FBXO10: variants seen among roughly 807,000 people sequenced by gnomAD.
FBXO10 encodes the protein F-box only protein 10.
Under a neutral mutation model 80.7 loss-of-function variants are expected in FBXO10, and 39 were observed. The observed-to-expected ratio is 0.48, with a 90% CI of 0.37 to 0.63. The LOEUF (loss-of-function observed/expected upper bound fraction) is 0.63, where lower values mean the gene tolerates loss of function less well. Ranked by LOEUF, FBXO10 falls within the 30% of genes least tolerant of loss-of-function variation. The pLI, the probability that FBXO10 is intolerant of heterozygous loss-of-function variation, is 0.00. For missense variants in FBXO10, 1,025 were observed against 1,269.0 expected (o/e 0.81, Z 2.92); for synonymous variants, 449 against 489.6 (o/e 0.92, Z 1.09).
chr9:37,532,387 G>A (rs1442874512), intron 3 of FBXO10, among the ~76,000 whole-genome samples: 1 of 147,644 alleles, frequency 6.8e-6, no homozygotes. Flanking sequence ...TGCAAGCTCC[G>A]CCTCCCAGGC....
intron 1 of FBXO10, among the ~76,000 whole-genome samples, chr9:37,548,677 C>G (rs561521363): frequency 1.3e-5 from 2 of 152,254 alleles, no homozygotes; most frequent in South Asian, 2.1e-4. Flanking sequence ...TAAGCAATCT[C>G]TCCTATGATT....
chr9:37,518,317 G>A lies in FBXO10; in HGVS notation c.2322C>T (p.Asn774=). 2 of 1,614,088 alleles carry A rather than the reference G, an allele frequency of 1.2e-6. No individual in the cohort carries two copies. Among genetic ancestry groups the A allele is most frequent in the Admixed American group, 3.3e-5 (2 of 60,030 alleles). ...CACTTTGCCGGTTGCAGGAGATGCTGTTGTTGGCCACTCGGGTGGGTTGGC... is the reference window on the plus strand; with the variant it reads ...CACTTTGCCGGTTGCAGGAGATGCTATTGTTGGCCACTCGGGTGGGTTGGC... ...QSSQPTRVAN[N]SISCNRQSGV... The change falls in exon 9 of 11, where the codon AAC becomes AAT. Residue 774 remains asparagine (N), a synonymous_variant. Transcript: ENST00000432825.
At chr9:37,557,287 T>A (rs1165157768) in intron 1 of FBXO10, among the ~76,000 whole-genome samples, 1 of 152,240 alleles carries the variant, frequency 6.6e-6, no homozygotes, top group Non-Finnish European at 1.5e-5. Context: ...TAACTCACTC[T>A]TTCCCTCACA....
At chr9:37,547,213 G>C (rs962086563) in intron 1 of FBXO10, among the ~76,000 whole-genome samples, 1 of 152,158 alleles carries the variant, frequency 6.6e-6, no homozygotes, top group Non-Finnish European at 1.5e-5. Context: ...ACAAGTTCTG[G>C]TGTATTTGTA....
intron 7 of FBXO10, 122 bp downstream of exon 7, chr9:37,522,703 G>A (rs1588827006): frequency 8.1e-7 from 1 of 1,236,758 alleles, no homozygotes; most frequent in Non-Finnish European, 1.1e-6. Flanking sequence ...TGGCCTGAGA[G>A]TGCCTGTTCA....
At chr9:37,521,380 G>GTCTGGGAAGTGAGGAGCGCCT (rs1452046950) in intron 8 of FBXO10, among the ~76,000 whole-genome samples, 189 bp downstream of exon 8, 1 of 150,804 alleles carries the variant, frequency 6.6e-6, no homozygotes, top group Non-Finnish European at 1.5e-5. Flanking sequence ...CTGCCTGGCC[G>GTCTGGGAAGTGAGGAGCGCCT]CTGTGCAACC....
chr9:37,568,327 A>G (rs1291435055), intron 1 of FBXO10, among the ~76,000 whole-genome samples: 1 of 152,018 alleles, frequency 6.6e-6, no homozygotes, highest in African/African-American at 2.4e-5. Context: ...CTTCTCGGGT[A>G]GCTGGGATTA....
intron 5 of FBXO10, among the ~76,000 whole-genome samples, chr9:37,527,257 C>T (rs1821500754): frequency 6.6e-6 from 1 of 152,192 alleles, no homozygotes; most frequent in Non-Finnish European, 1.5e-5. Context: ...TCTCCAAAGT[C>T]CTTCACTCAA....
rs1041892835 is a variant in FBXO10, at chr9:37,512,433, C to T, written c.*114G>A. ...CTGGAGGTACCGTGTTTTGGAGGCC[C>T]GGGACCCATTTGTTCGAGGGGGAGG... On this transcript the variant is annotated 3_prime_UTR_variant, in exon 11 of 11. Coordinates refer to ENST00000432825, the MANE Select transcript of FBXO10 (RefSeq NM_012166.3). The T allele has an allele frequency of 2.1e-5, 25 of 1,206,530 alleles. No individual in the cohort carries two copies. Among genetic ancestry groups the T allele is most frequent in the South Asian group, 5.8e-5 (4 of 68,388 alleles). 74.7% of individuals were successfully genotyped at this position (1,206,530 alleles called of 1,614,324 possible).
At chr9:37,565,714 A>T (rs762748690) in intron 1 of FBXO10, among the ~76,000 whole-genome samples, 1 of 152,054 alleles carries the variant, frequency 6.6e-6, no homozygotes, top group Non-Finnish European at 1.5e-5. Flanking sequence ...TGCCCCAATC[A>T]CTCGTTAGAG....
At chr9:37,542,421 C>T (rs1563879648) in intron 1 of FBXO10, among the ~76,000 whole-genome samples, 2 of 151,824 alleles carry the variant, frequency 1.3e-5, no homozygotes, top group African/African-American at 2.4e-5. Context: ...CATGGAGAAA[C>T]CCTGTCTCTA....
At chr9:37,543,231 T>G (rs1219271538) in intron 1 of FBXO10, among the ~76,000 whole-genome samples, 1 of 152,212 alleles carries the variant, frequency 6.6e-6, no homozygotes, top group Non-Finnish European at 1.5e-5. Context: ...TCTTCTCCCC[T>G]ACCAGTGATT....
chr9:37,567,140 CTT>C (rs369334837), intron 1 of FBXO10, among the ~76,000 whole-genome samples: 1 of 144,388 alleles, frequency 6.9e-6, no homozygotes, highest in Non-Finnish European at 1.5e-5. Flanking sequence ...TTTTTTTTTT[CTT>C]TTTTTCTTTT....
intron 10 of FBXO10, 38 bp from the exon 11 acceptor site, chr9:37,512,759 G>A (rs762032999): frequency 6.3e-7 from 1 of 1,594,866 alleles, no homozygotes; most frequent in South Asian, 1.1e-5. Context: ...ACTTCTGAGG[G>A]GTGTGCAGTG....
At chr9:37,532,152 A>G in intron 3 of FBXO10, 94 bp from the exon 4 acceptor site, 9 of 1,371,022 alleles carry the variant, frequency 6.6e-6, no homozygotes, top group Non-Finnish European at 9.0e-6. Context: ...GCACCACCTG[A>G]TCCATGCAGT....
At chr9:37,533,170 TC>T (rs57598298) in intron 3 of FBXO10, among the ~76,000 whole-genome samples, 141,430 of 151,990 alleles carry the variant, frequency 0.93, 65,788 homozygotes, top group East Asian at 1. Context: ...TACAGTTGTC[TC>T]CCCCATGTCT....
chr9:37,562,497 T>G (rs1456621359), intron 1 of FBXO10, among the ~76,000 whole-genome samples: 1 of 152,116 alleles, frequency 6.6e-6, no homozygotes, highest in Non-Finnish European at 1.5e-5. Flanking sequence ...AGGAGGAAAT[T>G]CCCTGTGGAA....
Position 37,547,606 on chromosome 9 carries a change from T to A in FBXO10, c.-6-5832A>T, listed in dbSNP as rs191965806. 4.0e-5 allele frequency among the ~76,000 whole-genome samples: 6 copies of A among 151,898 alleles called. No individual in the cohort carries two copies. In the East Asian group the frequency reaches 1.2e-3, roughly 29 times the overall value. Reference sequence around the variant, plus strand: ...AGCTTGGGTGACAGAGCAAGACTCTTATCTCAAAAAACAAAACAAAACAAA... The same window carrying A: ...AGCTTGGGTGACAGAGCAAGACTCTAATCTCAAAAAACAAAACAAAACAAA... On this transcript the variant is annotated intron_variant, in intron 1 of 10. Coordinates refer to ENST00000432825, the MANE Select transcript of FBXO10 (RefSeq NM_012166.3).
intron 1 of FBXO10, among the ~76,000 whole-genome samples, chr9:37,557,276 G>A (rs1265466170): frequency 6.6e-6 from 1 of 151,852 alleles, no homozygotes; most frequent in Non-Finnish European, 1.5e-5. Context: ...GAACTCTCAC[G>A]TAACTCACTC....
Sources: gnomAD v4.1 joint callset for allele counts (sites outside exome capture counted in the v4.1 genomes callset) on GRCh38, gnomAD v4.1.1 for gene constraint, MANE v1.5 for transcripts, NCBI Gene and HGNC (gene_info 2026-07-23, HGNC 2026-07-21) for gene names.